The following CHRNA7 variants were observed in gnomAD, a reference collection of about 807,000 sequenced individuals.
CHRNA7 encodes the protein cholinergic receptor nicotinic alpha 7 subunit, also known as neuronal acetylcholine receptor subunit alpha-7.
In CHRNA7, 17 loss-of-function variants were observed where a neutral mutation model predicts 48.0. The ratio of observed to expected loss-of-function variants is 0.35; its 90% CI spans 0.24 to 0.53. The LOEUF is 0.53. Ranked by LOEUF, CHRNA7 falls within the 20% of genes least tolerant of loss-of-function variation. CHRNA7 has a pLI of 0.92. For synonymous variants in CHRNA7, 75 were observed against 242.3 expected (o/e 0.31, Z 6.41); for missense variants, 155 against 577.7 (o/e 0.27, Z 7.50).
intron 2 of CHRNA7, among the ~76,000 whole-genome samples, chr15:32,052,597 C>T (rs545455257): frequency 3.9e-5 from 6 of 152,094 alleles, no homozygotes; most frequent in Middle Eastern, 3.4e-3. Flanking sequence ...GGGGTGATGG[C>T]GCATGCCTGT....
At chr15:32,145,812 C>G (rs896276406) in intron 4 of CHRNA7, among the ~76,000 whole-genome samples, 1 of 152,174 alleles carries the variant, frequency 6.6e-6, no homozygotes, top group Non-Finnish European at 1.5e-5. Flanking sequence ...ACTGTTTTTC[C>G]AGGTACAGTC....
At chr15:32,101,276 G>A (rs755363492) in intron 2 of CHRNA7, 27 bp from the exon 3 acceptor site, 5 of 1,489,362 alleles carry the variant, frequency 3.4e-6, no homozygotes, top group Middle Eastern at 1.8e-4. Context: ...TATTATTTAT[G>A]CTGCTGCTTT....
chr15:32,142,404 A>G (rs4471392), intron 4 of CHRNA7, among the ~76,000 whole-genome samples: 88,505 of 151,996 alleles, frequency 0.58, 26,635 homozygotes, highest in African/African-American at 0.75. Context: ...GTCTCTGCCC[A>G]GCTTTGGTAT....
Position 32,031,026 on chromosome 15 carries a change from A to C in CHRNA7, c.184A>C (p.Ile62Leu). The change falls in exon 2 of 10, where the codon ATC becomes CTC. Residue 62 changes from isoleucine (I) to leucine (L), a missense_variant. Physicochemically the swap from Ile to Leu is conservative, Grantham distance 5. Coordinates refer to ENST00000306901, the MANE Select transcript of CHRNA7 (RefSeq NM_000746.6). ...TVYFSLSLLQIMDVDEKNQVL... is the reference protein window; with the variant it reads ...TVYFSLSLLQLMDVDEKNQVL... ...CTACTTCTCCCTGAGCCTCCTGCAG[A>C]TCATGGACGTGGTGAGTCCCGCCTG... The C allele has an allele frequency of 1.2e-6, 2 of 1,614,172 alleles. No individual in the cohort carries two copies. The highest frequency in any genetic ancestry group is 2.2e-5 in the South Asian group (2 of 91,080).
intron 2 of CHRNA7, among the ~76,000 whole-genome samples, chr15:32,071,671 C>T (rs1595412932): frequency 6.6e-6 from 1 of 152,090 alleles, no homozygotes; most frequent in Non-Finnish European, 1.5e-5. Flanking sequence ...GAGCCTGGCA[C>T]CTCCTCCTCT....
At chr15:32,052,942 C>A (rs1362311365) in intron 2 of CHRNA7, among the ~76,000 whole-genome samples, 1 of 152,162 alleles carries the variant, frequency 6.6e-6, no homozygotes, top group African/African-American at 2.4e-5. Context: ...ATACTGATTT[C>A]ATCATTACAC....
chr15:32,109,094 T>C (rs1256666659), intron 3 of CHRNA7, among the ~76,000 whole-genome samples: 2 of 152,100 alleles, frequency 1.3e-5, no homozygotes, highest in Non-Finnish European at 2.9e-5. Flanking sequence ...ATTAGGAAAG[T>C]AGAGGAATAA....
Position 32,030,605 on chromosome 15 carries a change from C to G in CHRNA7, c.11C>G (p.Ser4Trp). 6.4e-7 allele frequency: 1 copy of G among 1,557,190 alleles called. No individual in the cohort carries two copies. Among genetic ancestry groups the G allele is most frequent in the Non-Finnish European group, 8.6e-7 (1 of 1,158,604 alleles). The change falls in exon 1 of 10, where the codon TCG becomes TGG. Residue 4 changes from serine (S) to tryptophan (W), a missense_variant. Transcript: ENST00000306901. ...GCTCCGGGACTCAACATGCGCTGCT[C>G]GCCGGGAGGCGTCTGGCTGGCGCTG... is the stretch of plus-strand genomic sequence containing the variant. MRC[S>W]PGGVWLALAA...
At chr15:32,081,194 T>C (rs568809778) in intron 2 of CHRNA7, among the ~76,000 whole-genome samples, 9 of 152,182 alleles carry the variant, frequency 5.9e-5, no homozygotes, top group African/African-American at 2.2e-4. Context: ...CATGCTGGGA[T>C]TAATACCTAG....
intron 2 of CHRNA7, among the ~76,000 whole-genome samples, chr15:32,070,161 A>G (rs895165801): frequency 6.6e-6 from 1 of 152,140 alleles, no homozygotes; most frequent in Non-Finnish European, 1.5e-5. Context: ...CACTCATGAA[A>G]CCATTCCGAC....
At chr15:32,095,458 G>A (rs956654951) in intron 2 of CHRNA7, among the ~76,000 whole-genome samples, 1 of 152,158 alleles carries the variant, frequency 6.6e-6, no homozygotes, top group Non-Finnish European at 1.5e-5. Context: ...ATAGCAAGAT[G>A]TTAACATAAA....
rs59684843 is a variant in CHRNA7, at chr15:32,033,102, G to T, written c.195+2065G>T. 8.9e-3 allele frequency among the ~76,000 whole-genome samples: 1,362 copies of T among 152,232 alleles called. 21 individuals are homozygous for T. The highest frequency in any genetic ancestry group is 0.031 in the African/African-American group (1,298 of 41,528). ...AGCAGCCAGAGGTCATGGGAAGGGG[G>T]CGGGAGAAAGTTTATCTCTCACCTT... On this transcript the variant is annotated intron_variant, in intron 2 of 9. Transcript: ENST00000306901.
At chr15:32,156,201 CATT>C (rs2051735592) in intron 5 of CHRNA7, 1 of 136,696 alleles carries the variant, frequency 7.3e-6, no homozygotes, top group African/African-American at 2.9e-5. Context: ...TGTCTCGGGC[CATT>C]ATTTCGTAGA....
intron 2 of CHRNA7, among the ~76,000 whole-genome samples, chr15:32,063,239 A>T (rs1258956896): frequency 6.6e-6 from 1 of 151,960 alleles, no homozygotes; most frequent in African/African-American, 2.4e-5. Flanking sequence ...ACTAAATTAA[A>T]AAAAAAAAGT....
Position 32,072,729 on chromosome 15 carries a change from G to T in CHRNA7, c.196-28574G>T, listed in dbSNP as rs559276901. Among the ~76,000 whole-genome samples, 26 of 152,348 alleles carry T rather than the reference G, an allele frequency of 1.7e-4. No homozygotes were observed. The South Asian group carries it at 4.1e-3, about 24-fold the overall frequency. ...CCAGTCATGGCACAGAGGGCTCCAG[G>T]TACAGCTTGAGCCACTGCTTCAGAG... On this transcript the variant is annotated intron_variant, in intron 2 of 9. Transcript: ENST00000306901.
chr15:32,035,370 C>A (rs1396801322), intron 2 of CHRNA7, among the ~76,000 whole-genome samples: 1 of 152,164 alleles, frequency 6.6e-6, no homozygotes, highest in African/African-American at 2.4e-5. Flanking sequence ...GTCCAGAAGT[C>A]AAGTTTGTTA....
chr15:32,052,609 G>A (rs1245475097), intron 2 of CHRNA7, among the ~76,000 whole-genome samples: 1 of 152,036 alleles, frequency 6.6e-6, no homozygotes, highest in Non-Finnish European at 1.5e-5. Context: ...CATGCCTGTA[G>A]TCCCAGCTAC....
intron 3 of CHRNA7, among the ~76,000 whole-genome samples, chr15:32,109,789 C>G (rs996985827): frequency 6.6e-6 from 1 of 152,174 alleles, no homozygotes; most frequent in African/African-American, 2.4e-5. Context: ...TCTGGACATA[C>G]ACAGGACACT....
chr15:32,158,203 GT>G (rs2051783714), intron 6 of CHRNA7: 15 of 427,946 alleles, frequency 3.5e-5, no homozygotes, highest in Non-Finnish European at 3.9e-6. Context: ...AAAAGAATAT[GT>G]ACCAATTTGG....
Sources: allele counts gnomAD v4.1 joint callset (sites outside exome capture counted in the v4.1 genomes callset), GRCh38; gene constraint gnomAD v4.1.1; transcripts MANE v1.5; gene names NCBI Gene and HGNC (gene_info 2026-07-23, HGNC 2026-07-21).